Variants in SYN3 observed in about 807,000 individuals in gnomAD.
SYN3 encodes the protein synapsin-3.
A neutral mutation model predicts 65.8 loss-of-function variants in SYN3; 35 were observed. That is an observed-to-expected ratio of 0.53 (90% CI 0.41 to 0.70). The LOEUF is 0.70. Ranked by LOEUF, SYN3 falls within the 30% of genes least tolerant of loss-of-function variation. The probability of loss-of-function intolerance (pLI) is 0.00; values close to 1 mark genes in which losing one functional copy is unlikely to be tolerated. For missense variants in SYN3, 680 were observed against 749.0 expected (o/e 0.91, Z 1.08); for synonymous variants, 270 against 292.9 (o/e 0.92, Z 0.80).
chr22:32,535,464 T>A (rs2058148625), intron 9 of SYN3, among the ~76,000 whole-genome samples: 1 of 152,206 alleles, frequency 6.6e-6, no homozygotes, highest in Non-Finnish European at 1.5e-5. Flanking sequence ...GTGGCCACGT[T>A]TGGGGACAAC....
rs541325569 is a variant in SYN3 at position 32,688,297 on chromosome 22, G to A, written c.712-91561C>T. ...AAACTCCCAATCCTGAGGCCTTAGCGTGGTGCTCTGGCCTGTGCTTCTGGT... is the reference window on the plus strand; with the variant it reads ...AAACTCCCAATCCTGAGGCCTTAGCATGGTGCTCTGGCCTGTGCTTCTGGT... On this transcript the variant is annotated intron_variant, in intron 6 of 13. Transcript: ENST00000358763. 1.1e-3 allele frequency among the ~76,000 whole-genome samples: 170 copies of A among 152,262 alleles called. 1 individual carries two copies. Among genetic ancestry groups the A allele is most frequent in the African/African-American group, 2.9e-3 (119 of 41,552 alleles).
At chr22:33,007,371 CT>C (rs1478491208) in intron 1 of SYN3, among the ~76,000 whole-genome samples, 3 of 152,072 alleles carry the variant, frequency 2.0e-5, no homozygotes, top group African/African-American at 7.2e-5. Flanking sequence ...AAGTACATGC[CT>C]TTTTTTCTTT....
intron 6 of SYN3, among the ~76,000 whole-genome samples, chr22:32,746,022 C>T (rs1429632593): frequency 6.6e-6 from 1 of 152,206 alleles, no homozygotes; most frequent in African/African-American, 2.4e-5. Context: ...TGACTCAGGG[C>T]TCTTTGACTT....
chr22:32,831,723 C>T (rs2047579999), intron 6 of SYN3, among the ~76,000 whole-genome samples: 1 of 152,184 alleles, frequency 6.6e-6, no homozygotes, highest in Non-Finnish European at 1.5e-5. Flanking sequence ...CCCCTCCCTT[C>T]CTGGCATTAA....
intron 3 of SYN3, among the ~76,000 whole-genome samples, chr22:32,965,945 T>G (rs1033715150): frequency 1.3e-5 from 2 of 152,166 alleles, no homozygotes; most frequent in Admixed American, 1.3e-4. Context: ...CTGCCCGCCT[T>G]GGCCTCCCAA....
intron 7 of SYN3, among the ~76,000 whole-genome samples, chr22:32,579,260 C>A (rs2058899941): frequency 6.6e-6 from 1 of 152,180 alleles, no homozygotes; most frequent in Admixed American, 6.5e-5. Flanking sequence ...AATGTAAGAG[C>A]CATGTCTTAG....
At position 32,671,858 on chromosome 22, in the gene SYN3, C is replaced by T. The variant is rs1049482494; in HGVS notation, c.712-75122G>A. On this transcript the variant is annotated intron_variant, in intron 6 of 13. Transcript: ENST00000358763. ...ATGCTCTCACAAAGGTGCACACACA[C>T]GCTCTCACACAGGTACACACACACA... Among the ~76,000 whole-genome samples, 24 of 152,098 alleles carry T rather than the reference C, an allele frequency of 1.6e-4. 1 individual carries two copies. Among genetic ancestry groups the T allele is most frequent in the South Asian group, 8.3e-4 (4 of 4,798 alleles).
chr22:32,684,729 C>G (rs576574632), intron 6 of SYN3, among the ~76,000 whole-genome samples: 1 of 152,152 alleles, frequency 6.6e-6, no homozygotes, highest in Non-Finnish European at 1.5e-5. Context: ...CACTGCTACA[C>G]GTTCATGAAA....
At chr22:32,882,924 C>T (rs957581949) in intron 4 of SYN3, among the ~76,000 whole-genome samples, 1 of 152,132 alleles carries the variant, frequency 6.6e-6, no homozygotes, top group Non-Finnish European at 1.5e-5. Context: ...ACCAGCTCCT[C>T]TAAGCCCTTG....
In SYN3 at chr22:32,800,253, G is replaced by A. The variant is rs540879618; in HGVS notation, c.711+64662C>T. ...TGTGGCATTTCTAACAGGATGAAGC[G>A]GAAGAGAAAGGGAAAGAGACAAAAG... On this transcript the variant is annotated intron_variant, in intron 6 of 13. Coordinates refer to ENST00000358763, the MANE Select transcript of SYN3 (RefSeq NM_003490.4). Among the ~76,000 whole-genome samples the A allele has an allele frequency of 3.2e-3, 480 of 152,216 alleles. 1 individual carries two copies. Among genetic ancestry groups the A allele is most frequent in the Non-Finnish European group, 2.2e-3 (149 of 68,010 alleles).
At chr22:32,957,655 A>G (rs778459984) in intron 3 of SYN3, among the ~76,000 whole-genome samples, 61 of 152,184 alleles carry the variant, frequency 4.0e-4, no homozygotes, top group Admixed American at 7.2e-4. Flanking sequence ...AAATCCCCAT[A>G]GGCTTTTGCT....
chr22:32,634,477 G>C (rs1287056566), intron 6 of SYN3, among the ~76,000 whole-genome samples: 3 of 152,132 alleles, frequency 2.0e-5, no homozygotes, highest in Admixed American at 6.6e-5. Flanking sequence ...AGGGGTTGAC[G>C]GCATCCGTGA....
At chr22:32,967,953 T>C (rs911193693) in intron 3 of SYN3, among the ~76,000 whole-genome samples, 5 of 152,100 alleles carry the variant, frequency 3.3e-5, no homozygotes, top group Non-Finnish European at 5.9e-5. Context: ...CAGTAGCGCA[T>C]GGGGAGGGAG....
chr22:32,620,345 G>A (rs1005329636), intron 6 of SYN3, among the ~76,000 whole-genome samples: 4 of 152,150 alleles, frequency 2.6e-5, no homozygotes, highest in East Asian at 1.9e-4. Flanking sequence ...TATGAATCAC[G>A]AAAGGCATAT....
intron 3 of SYN3, among the ~76,000 whole-genome samples, chr22:32,966,244 G>T (rs919613865): frequency 2.0e-5 from 3 of 152,174 alleles, no homozygotes; most frequent in Non-Finnish European, 4.4e-5. Context: ...GAGGGCAGAG[G>T]AAGCAGCACA....
intron 4 of SYN3, among the ~76,000 whole-genome samples, chr22:32,894,236 TAG>T (rs1407642473): frequency 2.6e-5 from 4 of 152,196 alleles, no homozygotes; most frequent in Non-Finnish European, 4.4e-5. Context: ...AATTGTAGCC[TAG>T]AGAATAAAAT....
intron 7 of SYN3, among the ~76,000 whole-genome samples, chr22:32,592,203 T>C (rs2059137210): frequency 6.6e-6 from 1 of 152,204 alleles, no homozygotes; most frequent in South Asian, 2.1e-4. Flanking sequence ...AGCTGTCTTA[T>C]GTACTGTGGA....
intron 6 of SYN3, among the ~76,000 whole-genome samples, chr22:32,693,649 T>A (rs1275146473): frequency 7.2e-6 from 1 of 138,290 alleles, no homozygotes; most frequent in East Asian, 2.5e-4. Flanking sequence ...AGGAGTGCAG[T>A]GGCGCAATCT....
At chr22:32,605,205 A>G (rs1179417765) in intron 6 of SYN3, among the ~76,000 whole-genome samples, 5 of 152,030 alleles carry the variant, frequency 3.3e-5, no homozygotes, top group Non-Finnish European at 7.4e-5. Context: ...AACAAGCGGG[A>G]GAAGTCATAT....
Sources: allele counts gnomAD v4.1 joint callset (sites outside exome capture counted in the v4.1 genomes callset), GRCh38; gene constraint gnomAD v4.1.1; transcripts MANE v1.5; gene names NCBI Gene and HGNC (gene_info 2026-07-23, HGNC 2026-07-21).